Variants in SGIP1 observed in about 807,000 individuals in gnomAD.
SGIP1 encodes SH3GL interacting endocytic adaptor 1, also known as SH3-containing GRB2-like protein 3-interacting protein 1.
In SGIP1, 38 loss-of-function variants were observed where a neutral mutation model predicts 107.5. That is an observed-to-expected ratio of 0.35 (90% CI 0.27 to 0.46). The LOEUF (loss-of-function observed/expected upper bound fraction) is 0.46, where lower values mean the gene tolerates loss of function less well. SGIP1 is among the 20% of genes least tolerant of loss of function. SGIP1 has a pLI of 1.00. For synonymous variants in SGIP1, 365 were observed against 366.1 expected, an observed-to-expected ratio of 1.00 and a Z score of 0.03; for missense variants, 929 against 1,019.5, an observed-to-expected ratio of 0.91 and a Z score of 1.21.
At chr1:66,677,175 C>A (rs2085580657) in intron 13 of SGIP1, 79 bp downstream of exon 13, 2 of 1,091,218 alleles carry the variant, frequency 1.8e-6, no homozygotes, top group Non-Finnish European at 2.8e-6. Context: ...TTAGGCAACT[C>A]TTAAAAAGTC....
At position 66,695,255 on chromosome 1, in the gene SGIP1, T is replaced by TAAAAAAAA. The variant is rs570067011; in HGVS notation, c.1571-170_1571-163dup. ...TGCTTTTGCTTTCTGTTTCCTGAAC[T>TAAAAAAAA]AAAAAAAAAAAAAAAAGTGTAGATT... On this transcript the variant is annotated intron_variant, in intron 17 of 24. Transcript: ENST00000371037. 6,967 of 944,362 alleles carry TAAAAAAAA rather than the reference T, an allele frequency of 7.4e-3. 119 individuals carry two copies. Among genetic ancestry groups the TAAAAAAAA allele is most frequent in the East Asian group, 0.046 (1,126 of 24,610 alleles). 58.5% of individuals were successfully genotyped at this position (944,362 alleles called of 1,614,324 possible). A position where few individuals can be genotyped will look rare whatever the true frequency, so the allele number is the denominator to read the frequency against.
intron 3 of SGIP1, among the ~76,000 whole-genome samples, chr1:66,635,191 T>A (rs892104782): frequency 1.3e-5 from 2 of 152,228 alleles, no homozygotes; most frequent in African/African-American, 4.8e-5. Flanking sequence ...CTGGTGACAA[T>A]GCTTCTGAGG....
chr1:66,661,790 T>C (rs1571435875), intron 8 of SGIP1, among the ~76,000 whole-genome samples: 1 of 108,878 alleles, frequency 9.2e-6, no homozygotes, highest in Admixed American at 1.0e-4. Context: ...AGTTTGCCTA[T>C]GGTGCTTTAA....
intron 20 of SGIP1, among the ~76,000 whole-genome samples, chr1:66,732,132 G>A (rs2094041591): frequency 2.0e-5 from 3 of 152,090 alleles, no homozygotes; most frequent in East Asian, 3.8e-4. Context: ...ATATAATTGA[G>A]GGTTTCCCAG....
chr1:66,620,440 C>T (rs925544337), intron 1 of SGIP1, among the ~76,000 whole-genome samples: 2 of 152,090 alleles, frequency 1.3e-5, no homozygotes, highest in Non-Finnish European at 2.9e-5. Context: ...GTTTAATTGA[C>T]TCACAGTTCC....
At chr1:66,660,664 A>G in intron 8 of SGIP1, 140 bp downstream of exon 8, 1 of 849,858 alleles carries the variant, frequency 1.2e-6, no homozygotes, top group Non-Finnish European at 1.9e-6. Flanking sequence ...GCGAACCATG[A>G]CCAGGTCTCA....
At chr1:66,647,698 T>C (rs1451507034) in intron 7 of SGIP1, among the ~76,000 whole-genome samples, 1 of 152,200 alleles carries the variant, frequency 6.6e-6, no homozygotes, top group Non-Finnish European at 1.5e-5. Flanking sequence ...AATTTATAAA[T>C]ACTAGTGATA....
intron 1 of SGIP1, among the ~76,000 whole-genome samples, chr1:66,559,798 C>G (rs1037134590): frequency 2.0e-5 from 3 of 152,010 alleles, no homozygotes; most frequent in African/African-American, 7.2e-5. Flanking sequence ...GTTTCCAACC[C>G]AGTTATTTAG....
chr1:66,535,895 C>A (rs1429872766), intron 1 of SGIP1, among the ~76,000 whole-genome samples: 1 of 19,846 alleles, frequency 5.0e-5, no homozygotes. Context: ...TCCAGCTCAA[C>A]TTCATATAGC....
chr1:66,535,307 G>A (rs1325938698), intron 1 of SGIP1, among the ~76,000 whole-genome samples: 1 of 152,144 alleles, frequency 6.6e-6, no homozygotes, highest in East Asian at 1.9e-4. Flanking sequence ...TTCCTAAGAT[G>A]ACAGGCAGAA....
intron 14 of SGIP1, among the ~76,000 whole-genome samples, chr1:66,681,560 G>C (rs1278581399): frequency 6.6e-6 from 1 of 152,126 alleles, no homozygotes; most frequent in Non-Finnish European, 1.5e-5. Context: ...ATCACACTTG[G>C]TGCACCTGTG....
chr1:66,637,315 G>A (rs1172843720), intron 4 of SGIP1, among the ~76,000 whole-genome samples: 2 of 151,806 alleles, frequency 1.3e-5, no homozygotes, highest in African/African-American at 2.4e-5. Flanking sequence ...TTTTTCTTGG[G>A]TTTGAGCCAG....
At chr1:66,654,574 A>G (rs1287316508) in intron 7 of SGIP1, among the ~76,000 whole-genome samples, 1 of 152,192 alleles carries the variant, frequency 6.6e-6, no homozygotes, top group East Asian at 1.9e-4. Flanking sequence ...TTGCCCTCTG[A>G]AGGAGATTTT....
At chr1:66,612,072 C>G (rs538572315) in intron 1 of SGIP1, among the ~76,000 whole-genome samples, 2 of 152,146 alleles carry the variant, frequency 1.3e-5, no homozygotes, top group African/African-American at 2.4e-5. Flanking sequence ...ACAAGAAGCA[C>G]GGCACCAGCT....
intron 1 of SGIP1, among the ~76,000 whole-genome samples, chr1:66,565,007 G>A (rs2059449805): frequency 6.6e-6 from 1 of 151,988 alleles, no homozygotes; most frequent in African/African-American, 2.4e-5. Flanking sequence ...GAGGTCTGGA[G>A]AGCTTAAGTG....
At chr1:66,574,525 C>CG (rs2060796719) in intron 1 of SGIP1, among the ~76,000 whole-genome samples, 2 of 152,082 alleles carry the variant, frequency 1.3e-5, no homozygotes, top group Non-Finnish European at 2.9e-5. Flanking sequence ...TCTATGAGAA[C>CG]AATTAGATTG....
chr1:66,715,506 G>A (rs961179273), intron 18 of SGIP1, among the ~76,000 whole-genome samples: 2 of 152,002 alleles, frequency 1.3e-5, no homozygotes, highest in African/African-American at 2.4e-5. Flanking sequence ...AGGAGAAATG[G>A]GTCTTGATCA....
chr1:66,603,215 C>G lies in SGIP1; in HGVS notation c.11-22632C>G, dbSNP rs1039248530. Among the ~76,000 whole-genome samples the G allele has an allele frequency of 3.9e-5, 6 of 152,132 alleles. No homozygotes were observed. In the East Asian group the frequency reaches 1.2e-3, roughly 29 times the overall value. On this transcript the variant is annotated intron_variant, in intron 1 of 24. Transcript: ENST00000371037. Reference sequence around the variant, plus strand: ...GACAAGGTATTAACAGTTTCTCAGGCTATTTATGGAAAAAAACTTATTTCA... The same window carrying G: ...GACAAGGTATTAACAGTTTCTCAGGGTATTTATGGAAAAAAACTTATTTCA...
chr1:66,572,760 A>G (rs138186301), intron 1 of SGIP1, among the ~76,000 whole-genome samples: 89 of 152,144 alleles, frequency 5.8e-4, no homozygotes, highest in Non-Finnish European at 1.0e-3. Context: ...GTGTGGTGCT[A>G]GGATATTTTA....
Sources: allele counts gnomAD v4.1 joint callset (sites outside exome capture counted in the v4.1 genomes callset), GRCh38; gene constraint gnomAD v4.1.1; transcripts MANE v1.5; gene names NCBI Gene and HGNC (gene_info 2026-07-23, HGNC 2026-07-21).